AGRN: variants seen among roughly 807,000 people sequenced by gnomAD.
AGRN encodes the protein agrin proteoglycan.
In AGRN, 106 loss-of-function variants were observed where a neutral mutation model predicts 211.0. The observed-to-expected ratio is 0.50, with a 90% confidence interval of 0.43 to 0.59. The LOEUF (loss-of-function observed/expected upper bound fraction) is 0.59. AGRN is among the 20% of genes least tolerant of loss of function. The probability of loss-of-function intolerance (pLI) is 0.00; values close to 1 mark genes in which losing one functional copy is unlikely to be tolerated. For synonymous variants in AGRN, 1,525 were observed against 1,332.5 expected (o/e 1.14, Z -3.15); for missense variants, 3,040 against 2,982.6 (o/e 1.02, Z -0.45).
chr1:1,051,799 A>G lies in AGRN; in HGVS notation c.5635A>G (p.Asn1879Asp), dbSNP rs1557722900. 2 of 1,613,356 alleles carry G rather than the reference A, an allele frequency of 1.2e-6. No individual in the cohort carries two copies. The highest frequency in any genetic ancestry group is 1.7e-6 in the Non-Finnish European group (2 of 1,179,714). Residue 1879 changes from asparagine to aspartate, a missense_variant, in exon 33 of 36, where the codon AAC (asparagine) becomes GAC (aspartate). Asn to Asp is a conservative substitution (Grantham distance 23). Coordinates refer to ENST00000379370, the MANE Select transcript of AGRN (RefSeq NM_198576.4). ...CGGGCGGACCTTTGTCGAGTACCTC[A>G]ACGCTGTGACCGAGAGGTAACGTGC... ...FDGRTFVEYL[N>D]AVTESEKALQ...
Position 1,054,875 on chromosome 1 carries a change from C to T in AGRN, c.6032C>T (p.Thr2011Ile), listed in dbSNP as rs2100704045. The change falls in exon 36 of 36, where the codon ACA becomes ATA. Residue 2011 changes from threonine (T) to isoleucine (I), a missense_variant. Thr to Ile is a moderately conservative substitution (Grantham distance 89). Around this residue, in one of 3 missense-constraint regions of AGRN, gnomAD observed 1,537 missense variants for 1,505.0 expected, o/e 1.02. Coordinates refer to ENST00000379370, the MANE Select transcript of AGRN (RefSeq NM_198576.4). ...VGPALPKAYG[T>I]GFVGCLRDVV... is the part of the protein sequence containing the mutation. ...CCAGCACTGCCCAAGGCCTACGGCA[C>T]AGGCTTTGTGGGCTGCTTGCGGGAC... 4 of 1,555,640 alleles carry T rather than the reference C, an allele frequency of 2.6e-6. No homozygotes were observed. Among genetic ancestry groups the T allele is most frequent in the South Asian group, 1.2e-5 (1 of 84,500 alleles).
At chr1:1,030,630 CTGAG>C (rs1382704844) in intron 2 of AGRN, among the ~76,000 whole-genome samples, 1 of 9,816 alleles carries the variant, frequency 1.0e-4, no homozygotes, top group African/African-American at 2.1e-4. Context: ...GTGCATGGTG[CTGAG>C]TGTGAGATCA....
In AGRN at chr1:1,054,562, T is replaced by G. The variant is rs140676931; in HGVS notation, c.5980+11T>G. On this transcript the variant is annotated intron_variant, in intron 35 of 35. Transcript: ENST00000379370. ...GAGCCCTGTGGCTTGGTGAGTGTTT[T>G]GGGGAGACTAGAGAGGGATGCCCAA... 6.3e-7 allele frequency: 1 copy of G among 1,579,972 alleles called. No homozygotes were observed. Among genetic ancestry groups the G allele is most frequent in the South Asian group, 1.2e-5 (1 of 86,412 alleles).
At chr1:1,037,163 C>T (rs1211473027) in intron 3 of AGRN, among the ~76,000 whole-genome samples, 2 of 152,144 alleles carry the variant, frequency 1.3e-5, no homozygotes, top group Non-Finnish European at 2.9e-5. Context: ...TGGCTGGGGC[C>T]GGGCAGGGCC....
intron 2 of AGRN, among the ~76,000 whole-genome samples, chr1:1,024,372 C>T (rs547449399): frequency 2.0e-5 from 3 of 152,014 alleles, no homozygotes; most frequent in Non-Finnish European, 4.4e-5. Context: ...TTGAACCCCA[C>T]CCTGGGCCCT....
At chr1:1,053,522 C>T (rs74223856) in intron 33 of AGRN, 3 of 1,528,912 alleles carry the variant, frequency 2.0e-6, no homozygotes, top group Admixed American at 4.0e-5. Flanking sequence ...TGCCTGCAGA[C>T]CCCTGGCTGG....
At position 1,035,444 on chromosome 1, in the gene AGRN, A is replaced by G. The variant is rs530838435; in HGVS notation, c.511+120A>G. 1.4e-3 allele frequency: 1,868 copies of G among 1,356,466 alleles called. 4 individuals carry two copies. The highest frequency in any genetic ancestry group is 1.8e-3 in the Non-Finnish European group (1,662 of 948,328). The allele number at this position is 1,356,466 out of a possible 1,614,324, so 84.0% of individuals were successfully genotyped here. Reference sequence around the variant, plus strand: ...GTCTGGAGTGAGGAGGAGGCTGGACAAGGGCACCTGCGTCTGTCCTGGGAG... The same window carrying G: ...GTCTGGAGTGAGGAGGAGGCTGGACGAGGGCACCTGCGTCTGTCCTGGGAG... On this transcript the variant is annotated intron_variant, in intron 3 of 35. Transcript: ENST00000379370.
intron 26 of AGRN, 43 bp downstream of exon 26, chr1:1,049,838 C>T: frequency 1.2e-6 from 2 of 1,610,754 alleles, no homozygotes; most frequent in East Asian, 2.2e-5. Flanking sequence ...ACCCCGGGGC[C>T]TGTGGGCGGT....
Position 1,041,372 on chromosome 1 carries a change from C to T in AGRN, c.927C>T (p.Val309=), listed in dbSNP as rs1342933640. The stretch of plus-strand genomic sequence containing the variant: ...GCGCCTGCGCCCGCCAGGAGAATGT[C>T]TTCAAGAAGTTCGACGGCCCTTGTG... ...LRRACARQEN[V]FKKFDGPCDP... is the part of the protein sequence containing the mutation. Residue 309 remains valine (V), a synonymous_variant, in exon 5 of 36, where the codon GTC becomes GTT. Coordinates refer to ENST00000379370, the MANE Select transcript of AGRN (RefSeq NM_198576.4). 5 of 1,540,960 alleles carry T rather than the reference C, an allele frequency of 3.2e-6. No individual in the cohort carries two copies. The highest frequency in any genetic ancestry group is 2.0e-5 in the Admixed American group (1 of 50,688).
chr1:1,052,995 G>C (rs1388427214), intron 33 of AGRN: 1 of 180,346 alleles, frequency 5.5e-6, no homozygotes, highest in African/African-American at 2.4e-5. Flanking sequence ...AGGTGTGTCT[G>C]TGTGTGTTCG....
chr1:1,021,121 C>G lies in AGRN; in HGVS notation c.201+748C>G, dbSNP rs186609836. Among the ~76,000 whole-genome samples the G allele has an allele frequency of 3.9e-3, 592 of 152,366 alleles. 4 individuals carry two copies. The highest frequency in any genetic ancestry group is 0.013 in the African/African-American group (553 of 41,580). On this transcript the variant is annotated intron_variant, in intron 1 of 35. Coordinates refer to ENST00000379370, the MANE Select transcript of AGRN (RefSeq NM_198576.4). ...ACCATCTCCTGGGACCAGAAATCCA[C>G]TCATTTCCCTCCACGGAGGTGGAGA...
rs1396016667 is a variant in AGRN at position 1,051,651 on chromosome 1, C to T, written c.5563+6C>T. 2 of 1,612,556 alleles carry T rather than the reference C, an allele frequency of 1.2e-6. 1 individual carries two copies. Among genetic ancestry groups the T allele is most frequent in the South Asian group, 2.2e-5 (2 of 91,026 alleles). On this transcript the variant is annotated splice_donor_region_variant and intron_variant, in intron 32 of 35. Coordinates refer to ENST00000379370, the MANE Select transcript of AGRN (RefSeq NM_198576.4). ...AGGACCGCACTGCGAGAAGGGTGAG[C>T]CTGGCACAGGGCAGGGGGCGGAGGC...
intron 3 of AGRN, among the ~76,000 whole-genome samples, chr1:1,040,390 C>A (rs1186722734): frequency 6.6e-6 from 1 of 152,194 alleles, no homozygotes; most frequent in East Asian, 1.9e-4. Flanking sequence ...CCGCCTGCGG[C>A]AGACGCCCCT....
At chr1:1,053,287 G>A (rs755216265) in intron 33 of AGRN, 8 of 458,654 alleles carry the variant, frequency 1.7e-5, no homozygotes, top group Non-Finnish European at 2.5e-5. Context: ...TCTCGTGTCC[G>A]CACAAGCATG....
In AGRN at chr1:1,046,164, G is replaced by T; in HGVS notation, c.2810G>T (p.Cys937Phe). 2 of 1,613,904 alleles carry T rather than the reference G, an allele frequency of 1.2e-6. No homozygotes were observed. Among genetic ancestry groups the T allele is most frequent in the Non-Finnish European group, 1.7e-6 (2 of 1,180,006 alleles). The change falls in exon 17 of 36, where the codon TGT becomes TTT. Residue 937 changes from cysteine to phenylalanine, a missense_variant. This residue lies in a region of AGRN where 1,498 missense variants were observed against 1,457.8 expected (regional missense o/e 1.03). Transcript: ENST00000379370. ...CATCCTTGTTCTCTGCCCCAGGTCT[G>T]TGGGTCAGATGGAGTCACATACGGC... Reference protein sequence around the residue: ...TCPEANATKVCGSDGVTYGNE... With the variant: ...TCPEANATKVFGSDGVTYGNE...
intron 2 of AGRN, among the ~76,000 whole-genome samples, chr1:1,030,603 G>A: frequency 2.2e-5 from 1 of 46,070 alleles, no homozygotes; most frequent in Non-Finnish European, 4.3e-5. Flanking sequence ...TGTGAGATCA[G>A]CGTGTGTGTG....
chr1:1,048,499 G>C lies in AGRN; in HGVS notation c.4105+134G>C, dbSNP rs1432732538. On this transcript the variant is annotated intron_variant, in intron 23 of 35. Coordinates refer to ENST00000379370, the MANE Select transcript of AGRN (RefSeq NM_198576.4). The surrounding 1 kb of genome is among the most constrained non-coding windows in gnomAD (Gnocchi z 5.9). The stretch of plus-strand genomic sequence containing the variant: ...TTAAGGCGGGGTTTCGGCCAGATGC[G>C]GTGGCTCACGCCTGTAATCCCAGCA... The C allele has an allele frequency of 2.5e-6, 2 of 789,612 alleles. No homozygotes were observed. The highest frequency in any genetic ancestry group is 3.9e-6 in the Non-Finnish European group (2 of 518,552). 48.9% of individuals were successfully genotyped at this position (789,612 alleles called of 1,614,324 possible).
In AGRN at chr1:1,048,126, C is replaced by T. The variant is rs139294803; in HGVS notation, c.3866C>T (p.Pro1289Leu). The change falls in exon 23 of 36, where the codon CCG becomes CTG. Residue 1289 changes from proline (P) to leucine (L), a missense_variant. Physicochemically the swap from Pro to Leu is moderately conservative, Grantham distance 98. Coordinates refer to ENST00000379370, the MANE Select transcript of AGRN (RefSeq NM_198576.4). The surrounding 1 kb of genome is among the most constrained non-coding windows in gnomAD (Gnocchi z 5.9). Reference sequence around the variant, plus strand: ...TCCTCTGCTGTGACCCCTCGGGCCCCGCACCCCAGTCACACAAGCCAGCCC... The same window carrying T: ...TCCTCTGCTGTGACCCCTCGGGCCCTGCACCCCAGTCACACAAGCCAGCCC... ...LPSSAVTPRA[P>L]HPSHTSQPVA... 6.0e-3 allele frequency: 9,412 copies of T among 1,570,118 alleles called. 34 individuals carry two copies. The highest frequency in any genetic ancestry group is 9.2e-3 in the African/African-American group (679 of 74,092).
chr1:1,024,603 G>A (rs1385306037), intron 2 of AGRN, among the ~76,000 whole-genome samples: 3 of 152,010 alleles, frequency 2.0e-5, no homozygotes, highest in Non-Finnish European at 2.9e-5. Context: ...GGTCGGGGAG[G>A]GCCACGCCCC....
Sources: gnomAD v4.1 joint callset for allele counts (sites outside exome capture counted in the v4.1 genomes callset) on GRCh38, gnomAD v4.1.1 for gene constraint, gnomAD v4.1.1 regional missense constraint, Gnocchi (gnomAD v3.1) non-coding constraint, MANE v1.5 for transcripts, NCBI Gene and HGNC (gene_info 2026-07-23, HGNC 2026-07-21) for gene names.